Variants in ESR1 observed in about 807,000 individuals in gnomAD.
ESR1 encodes estrogen receptor.
ESR1 carries 12 observed loss-of-function variants against 52.7 expected under a neutral mutation model. The ratio of observed to expected loss-of-function variants is 0.23; its 90% confidence interval spans 0.15 to 0.37. The LOEUF is 0.37. Among genes scored for constraint, ESR1 ranks in the 10% least tolerant of loss-of-function variants. ESR1 has a pLI of 1.00. For synonymous variants in ESR1, 305 were observed against 316.8 expected, an observed-to-expected ratio of 0.96 and a Z score of 0.39; for missense variants, 584 against 779.7, an observed-to-expected ratio of 0.75 and a Z score of 2.99.
At chr6:151,672,859 C>T (rs1236086486) in intron 1 of ESR1, among the ~76,000 whole-genome samples, 2 of 140,400 alleles carry the variant, frequency 1.4e-5, no homozygotes, top group Admixed American at 7.3e-5. Flanking sequence ...GATGGAGTCT[C>T]ACTCTGTCAC....
chr6:151,870,745 T>C (rs1790794538), intron 2 of ESR1, among the ~76,000 whole-genome samples: 1 of 152,208 alleles, frequency 6.6e-6, no homozygotes. Flanking sequence ...TGCTACCCAG[T>C]CCTTGGCCCA....
At chr6:151,737,396 GTTTTTATTT>G (rs1431455556) in intron 2 of ESR1, among the ~76,000 whole-genome samples, 2 of 152,080 alleles carry the variant, frequency 1.3e-5, no homozygotes, top group Non-Finnish European at 2.9e-5. Context: ...ATGAACAAAA[GTTTTTATTT>G]TTCTGGATAC....
intron 4 of ESR1, among the ~76,000 whole-genome samples, chr6:151,989,911 A>T (rs11964865): frequency 0.056 from 8,548 of 152,028 alleles, 441 homozygotes; most frequent in African/African-American, 0.13. Context: ...TGTTTCTGTG[A>T]CACTACATGC....
At position 152,099,115 on chromosome 6, in the gene ESR1, G is replaced by T. The variant is rs556980742; in HGVS notation, c.*149G>T. The stretch of plus-strand genomic sequence containing the variant: ...TAGATGAGTGGCCATTCATTTGCTT[G>T]CTCAGTTCTTAGTGGCACATCTTCT... On this transcript the variant is annotated 3_prime_UTR_variant, in exon 8 of 8. Coordinates refer to ENST00000206249, the MANE Select transcript of ESR1 (RefSeq NM_000125.4). The T allele has an allele frequency of 2.9e-6, 2 of 687,554 alleles. No individual in the cohort carries two copies. Among genetic ancestry groups the T allele is most frequent in the Non-Finnish European group, 5.2e-6 (2 of 384,770 alleles). 42.6% of individuals were successfully genotyped at this position (687,554 alleles called of 1,614,324 possible).
At chr6:151,781,012 A>AT (rs1169565039) in intron 2 of ESR1, among the ~76,000 whole-genome samples, 1 of 152,146 alleles carries the variant, frequency 6.6e-6, no homozygotes, top group Non-Finnish European at 1.5e-5. Flanking sequence ...AATGAAACTA[A>AT]TTTTTTCTTT....
intron 1 of ESR1, among the ~76,000 whole-genome samples, chr6:151,671,262 C>G (rs1365516327): frequency 6.6e-6 from 1 of 152,138 alleles, no homozygotes; most frequent in Non-Finnish European, 1.5e-5. Context: ...GCACAATAGT[C>G]AAGATATGGA....
At chr6:151,804,665 C>G (rs1777599660), upstream of ESR1, 1 of 152,046 alleles carries the variant, frequency 6.6e-6, no homozygotes, top group Non-Finnish European at 1.5e-5. Context: ...CTTTTTTGTA[C>G]TGGTCTCAAG....
At chr6:152,021,762 G>A (rs1315569149) in intron 5 of ESR1, among the ~76,000 whole-genome samples, 2 of 152,084 alleles carry the variant, frequency 1.3e-5, no homozygotes, top group South Asian at 2.1e-4. Context: ...CCGGTGGGAG[G>A]TAATTGACTC....
At chr6:151,989,845 T>C (rs1460478476) in intron 4 of ESR1, among the ~76,000 whole-genome samples, 1 of 152,144 alleles carries the variant, frequency 6.6e-6, no homozygotes, top group Non-Finnish European at 1.5e-5. Context: ...ACTCATACTT[T>C]GTATACATGT....
At chr6:151,686,605 G>A (rs921889502), upstream of ESR1, among the ~76,000 whole-genome samples, 3 of 152,112 alleles carry the variant, frequency 2.0e-5, no homozygotes, top group Admixed American at 2.0e-4. Flanking sequence ...GGAGAATGGC[G>A]TGAACCCGAG....
At chr6:151,994,681 A>G (rs902696575) in intron 4 of ESR1, among the ~76,000 whole-genome samples, 6 of 152,156 alleles carry the variant, frequency 3.9e-5, no homozygotes, top group African/African-American at 1.4e-4. Flanking sequence ...GGATCAGAGT[A>G]AGTAAGGAGT....
intron 4 of ESR1, among the ~76,000 whole-genome samples, chr6:151,985,524 A>C (rs1234172899): frequency 7.2e-6 from 1 of 139,790 alleles, no homozygotes; most frequent in East Asian, 2.1e-4. Flanking sequence ...AAAAAAAAAA[A>C]AAAAAAAAAC....
intron 3 of ESR1, among the ~76,000 whole-genome samples, chr6:151,898,384 A>ATTTTTTTTTTTTTTTCT (rs1795885227): frequency 8.9e-5 from 9 of 101,126 alleles, no homozygotes; most frequent in Non-Finnish European, 1.3e-4. Context: ...GGTTTTGTTC[A>ATTTTTTTTTTTTTTTCT]TTTTTTTTTT....
At chr6:151,846,021 G>A (rs1785053021) in intron 2 of ESR1, among the ~76,000 whole-genome samples, 1 of 152,112 alleles carries the variant, frequency 6.6e-6, no homozygotes, top group African/African-American at 2.4e-5. Context: ...TGAAGGCAGT[G>A]TCTTATAGGA....
upstream of ESR1, among the ~76,000 whole-genome samples, chr6:151,804,134 C>T (rs973170243): frequency 5.5e-4 from 84 of 152,242 alleles, no homozygotes; most frequent in African/African-American, 1.9e-3. Flanking sequence ...GGAAAGTCGG[C>T]GTAGCACAGT....
intron 3 of ESR1, among the ~76,000 whole-genome samples, chr6:151,918,257 C>A (rs951719791): frequency 6.6e-6 from 1 of 152,232 alleles, no homozygotes; most frequent in Non-Finnish European, 1.5e-5. Context: ...GGAGAACCCA[C>A]ATTGGGCTTG....
chr6:151,839,101 A>C (rs569692026), intron 1 of ESR1, among the ~76,000 whole-genome samples: 54 of 152,332 alleles, frequency 3.5e-4, no homozygotes, highest in African/African-American at 1.2e-3. Context: ...TTTAAAGATG[A>C]ATAAGACACC....
chr6:151,908,892 A>G (rs1051300013), intron 3 of ESR1, among the ~76,000 whole-genome samples: 2 of 148,476 alleles, frequency 1.3e-5, no homozygotes, highest in African/African-American at 2.5e-5. Context: ...TTTTTTTTTC[A>G]TAGCAAGGAG....
intron 2 of ESR1, among the ~76,000 whole-genome samples, chr6:151,769,942 C>T (rs1411551105): frequency 1.3e-5 from 2 of 151,452 alleles, no homozygotes; most frequent in African/African-American, 2.4e-5. Context: ...GCAGGAGAAT[C>T]GCTTGAATCC....
Sources: gnomAD v4.1 joint callset for allele counts (sites outside exome capture counted in the v4.1 genomes callset) on GRCh38, gnomAD v4.1.1 for gene constraint, MANE v1.5 for transcripts, NCBI Gene and HGNC (gene_info 2026-07-23, HGNC 2026-07-21) for gene names.